Variants in STAM observed in about 807,000 individuals in gnomAD.
STAM encodes the protein signal transducing adapter molecule 1.
A neutral mutation model predicts 63.4 loss-of-function variants in STAM; 16 were observed. The observed-to-expected ratio is 0.25, with a 90% CI of 0.17 to 0.38. STAM has a LOEUF of 0.38. Ranked by LOEUF, STAM falls within the 10% of genes least tolerant of loss-of-function variation. The probability of loss-of-function intolerance (pLI) is 1.00; values close to 1 mark genes in which losing one functional copy is unlikely to be tolerated. For synonymous variants in STAM, 238 were observed against 223.9 expected (o/e 1.06, Z -0.56); for missense variants, 636 against 657.1 (o/e 0.97, Z 0.35).
chr10:17,678,505 C>G (rs1000361401), intron 2 of STAM, among the ~76,000 whole-genome samples: 2 of 152,136 alleles, frequency 1.3e-5, no homozygotes, highest in Admixed American at 6.5e-5. Flanking sequence ...CCGCCTGCCT[C>G]GGCCTCCCAA....
At position 17,676,122 on chromosome 10, in the gene STAM, A is replaced by G. The variant is rs61842300; in HGVS notation, c.126-8553A>G. Among the ~76,000 whole-genome samples, 256 of 152,334 alleles carry G rather than the reference A, an allele frequency of 1.7e-3. 1 individual carries two copies. Among genetic ancestry groups the G allele is most frequent in the South Asian group, 7.9e-3 (38 of 4,832 alleles). On this transcript the variant is annotated intron_variant, in intron 2 of 13. Coordinates refer to ENST00000377524, the MANE Select transcript of STAM (RefSeq NM_003473.4). ...TTTGTTTGGGAAATTAGAAAGGTCT[A>G]TTGCAAAAGAAAGCACAGTAGCACA...
chr10:17,652,724 A>G (rs1833789037), intron 1 of STAM, among the ~76,000 whole-genome samples: 1 of 152,130 alleles, frequency 6.6e-6, no homozygotes, highest in African/African-American at 2.4e-5. Flanking sequence ...AAAATGCACT[A>G]CCAGACCAAA....
rs1554823547 is a variant in STAM, at chr10:17,667,323, A to T, written c.125+6775A>T. 2.6e-5 allele frequency among the ~76,000 whole-genome samples: 4 copies of T among 152,136 alleles called. 1 individual carries two copies. The highest frequency in any genetic ancestry group is 4.2e-4 in the South Asian group (2 of 4,814). ...TATTTTTAGTAGACATGGGGTTTCA[A>T]CGTATTGGTCAGGTGGCCTTGAACC... On this transcript the variant is annotated intron_variant, in intron 2 of 13. Transcript: ENST00000377524.
chr10:17,710,840 T>A (rs985354838), intron 13 of STAM, among the ~76,000 whole-genome samples: 3 of 152,218 alleles, frequency 2.0e-5, no homozygotes, highest in East Asian at 1.9e-4. Context: ...GTGTATTTTT[T>A]AAAAATTCCT....
At chr10:17,679,446 T>C (rs1352429104) in intron 2 of STAM, among the ~76,000 whole-genome samples, 1 of 152,232 alleles carries the variant, frequency 6.6e-6, no homozygotes, top group African/African-American at 2.4e-5. Flanking sequence ...GTTCTTTATA[T>C]ATTCTGGCTG....
At chr10:17,671,248 T>G (rs1328333396) in intron 2 of STAM, among the ~76,000 whole-genome samples, 3 of 152,200 alleles carry the variant, frequency 2.0e-5, no homozygotes, top group African/African-American at 7.2e-5. Flanking sequence ...CAGTAAAGCT[T>G]TTTTTGTAGC....
intron 4 of STAM, among the ~76,000 whole-genome samples, chr10:17,685,560 G>A (rs1255273241): frequency 2.0e-5 from 3 of 152,140 alleles, no homozygotes; most frequent in African/African-American, 7.2e-5. Context: ...TTTATAGGAG[G>A]GTTTAAGGAA....
chr10:17,683,060 C>T (rs1478298574), intron 2 of STAM, among the ~76,000 whole-genome samples: 1 of 152,186 alleles, frequency 6.6e-6, no homozygotes, highest in African/African-American at 2.4e-5. Context: ...AGTTGGATTA[C>T]AATCTTAATC....
intron 12 of STAM, among the ~76,000 whole-genome samples, chr10:17,706,015 C>T (rs1554829208): frequency 3.9e-5 from 6 of 152,010 alleles, no homozygotes; most frequent in African/African-American, 1.2e-4. Context: ...CTGCAGTGAG[C>T]CGTGTTCACA....
At chr10:17,699,654 G>T (rs1273451662) in intron 8 of STAM, among the ~76,000 whole-genome samples, 2 of 152,218 alleles carry the variant, frequency 1.3e-5, no homozygotes, top group African/African-American at 2.4e-5. Flanking sequence ...CACCTGCAAA[G>T]TTCTCCACTG....
At chr10:17,686,975 TAGTA>T (rs1554826153) in intron 4 of STAM, among the ~76,000 whole-genome samples, 1 of 152,244 alleles carries the variant, frequency 6.6e-6, no homozygotes, top group African/African-American at 2.4e-5. Flanking sequence ...TTACATCAAA[TAGTA>T]AGACTTCAAA....
rs1353345612 is a variant in STAM at position 17,662,284 on chromosome 10, T to C, written c.125+1736T>C. 2.0e-5 allele frequency among the ~76,000 whole-genome samples: 3 copies of C among 152,154 alleles called. No individual in the cohort carries two copies. In the East Asian group the frequency reaches 5.8e-4, roughly 29 times the overall value. ...TTCCAGTGCTTTTTTTCTACCTTAG[T>C]TTGATGCTTTTGGTCCTTTTGTTTC... is the stretch of plus-strand genomic sequence containing the variant. On this transcript the variant is annotated intron_variant, in intron 2 of 13. Coordinates refer to ENST00000377524, the MANE Select transcript of STAM (RefSeq NM_003473.4).
At chr10:17,683,628 A>T (rs1334894374) in intron 2 of STAM, among the ~76,000 whole-genome samples, 1 of 151,688 alleles carries the variant, frequency 6.6e-6, no homozygotes, top group South Asian at 2.1e-4. Flanking sequence ...TTAATTTTAC[A>T]TATTTTTTTG....
Position 17,660,453 on chromosome 10 carries a change from A to G in STAM, c.41-11A>G, listed in dbSNP as rs1834119525. Reference sequence around the variant, plus strand: ...AAATAATGTTTCTGCAATCCCCTTTACAATCTACAGAGAAAGCAACCAGCG... The same window carrying G: ...AAATAATGTTTCTGCAATCCCCTTTGCAATCTACAGAGAAAGCAACCAGCG... On this transcript the variant is annotated splice_polypyrimidine_tract_variant and intron_variant, in intron 1 of 13. Coordinates refer to ENST00000377524, the MANE Select transcript of STAM (RefSeq NM_003473.4). The G allele has an allele frequency of 1.9e-6, 3 of 1,561,376 alleles. No homozygotes were observed. The highest frequency in any genetic ancestry group is 1.2e-5 in the South Asian group (1 of 84,122).
chr10:17,684,316 T>A (rs1351410041), intron 2 of STAM, among the ~76,000 whole-genome samples: 1 of 152,178 alleles, frequency 6.6e-6, no homozygotes, highest in Non-Finnish European at 1.5e-5. Context: ...GTGTGGAAAA[T>A]CTGTTTTTCC....
chr10:17,706,805 T>TA (rs1554829315), intron 12 of STAM, among the ~76,000 whole-genome samples: 1 of 152,082 alleles, frequency 6.6e-6, no homozygotes. Context: ...AGTAGTTTCG[T>TA]AAAAAACACA....
At chr10:17,709,844 TC>T (rs2131698538) in intron 13 of STAM, among the ~76,000 whole-genome samples, 1 of 149,214 alleles carries the variant, frequency 6.7e-6, no homozygotes, top group South Asian at 2.2e-4. Context: ...GGTTGTCAGA[TC>T]TAGTATCCCG....
chr10:17,680,547 A>G (rs1835044482), intron 2 of STAM, among the ~76,000 whole-genome samples: 2 of 151,852 alleles, frequency 1.3e-5, no homozygotes, highest in South Asian at 4.2e-4. Context: ...CTGGGACTAC[A>G]AGTGTGTGCC....
intron 1 of STAM, among the ~76,000 whole-genome samples, chr10:17,656,740 TC>T (rs1833955828): frequency 6.6e-6 from 1 of 152,162 alleles, no homozygotes; most frequent in African/African-American, 2.4e-5. Context: ...AGTTCTTGCC[TC>T]CTCAGAAGAA....
Sources: gnomAD v4.1 joint callset for allele counts (sites outside exome capture counted in the v4.1 genomes callset) on GRCh38, gnomAD v4.1.1 for gene constraint, MANE v1.5 for transcripts, NCBI Gene and HGNC (gene_info 2026-07-23, HGNC 2026-07-21) for gene names.